TAB1: variants seen among roughly 807,000 people sequenced by gnomAD.
The protein encoded by TAB1 is TGF-beta-activated kinase 1 and MAP3K7-binding protein 1.
TAB1 carries 30 observed loss-of-function variants against 54.5 expected under a neutral mutation model. The observed-to-expected ratio is 0.55, with a 90% CI of 0.41 to 0.75. TAB1 has a LOEUF of 0.75. Ranked by LOEUF, TAB1 falls within the 30% of genes least tolerant of loss-of-function variation. TAB1 has a pLI of 0.00. For missense variants in TAB1, 609 were observed against 683.2 expected (o/e 0.89, Z 1.21); for synonymous variants, 289 against 286.9 (o/e 1.01, Z -0.07).
downstream of TAB1, chr22:39,433,609 C>T (rs916893939): frequency 1.2e-5 from 12 of 985,416 alleles, no homozygotes; most frequent in East Asian, 1.1e-4. Flanking sequence ...GGAGTTGTAC[C>T]GTCCTGGTCT....
chr22:39,417,843 A>G lies in TAB1; in HGVS notation c.544A>G (p.Asn182Asp). 2 of 1,605,888 alleles carry G rather than the reference A, an allele frequency of 1.2e-6. No homozygotes were observed. The highest frequency in any genetic ancestry group is 1.7e-6 in the Non-Finnish European group (2 of 1,175,970). The stretch of plus-strand genomic sequence containing the variant: ...TCTCAACAACAAGCTCTACGTCGCC[A>G]ATGTCGGTGAGCCCCCTCCTGTCCC... ...VLLNNKLYVA[N>D]VGTNRALLCK... The change falls in exon 5 of 11, where the codon AAT becomes GAT. Residue 182 changes from asparagine (N) to aspartate (D), a missense_variant. Transcript: ENST00000216160.
At position 39,415,778 on chromosome 22, in the gene TAB1, A is replaced by G. The variant is rs1926807202; in HGVS notation, c.324+125A>G. The G allele has an allele frequency of 5.4e-6, 7 of 1,292,898 alleles. No individual in the cohort carries two copies. In the South Asian group the frequency reaches 1.0e-4, roughly 19 times the overall value. 80.1% of individuals were successfully genotyped at this position (1,292,898 alleles called of 1,614,324 possible). The stretch of plus-strand genomic sequence containing the variant: ...ATCCTGCCGGCCCCTTCACCCCAGT[A>G]GAGGAGCAGCTCCCAGCGTAGGCCC... On this transcript the variant is annotated intron_variant, in intron 3 of 10. Coordinates refer to ENST00000216160, the MANE Select transcript of TAB1 (RefSeq NM_006116.3). The surrounding 1 kb of genome is among the most constrained non-coding windows in gnomAD (Gnocchi z 4.9).
In TAB1 at chr22:39,430,372, A is replaced by T; in HGVS notation, c.*150A>T. On this transcript the variant is annotated 3_prime_UTR_variant, in exon 11 of 11. Transcript: ENST00000216160. The stretch of plus-strand genomic sequence containing the variant: ...TGTCCCATGGCTCTCCGGGCAGTAG[A>T]GTGTGTGAGTGCAGACTGGACCTGT... The T allele has an allele frequency of 6.8e-7, 1 of 1,474,400 alleles. No individual in the cohort carries two copies. The allele number at this position is 1,474,400 out of a possible 1,614,324, so 91.3% of individuals were successfully genotyped here. A position where few individuals can be genotyped will look rare whatever the true frequency, so the allele number is the denominator to read the frequency against.
At chr22:39,433,257 C>G (rs988695971), downstream of TAB1, 6 of 905,240 alleles carry the variant, frequency 6.6e-6, no homozygotes, top group African/African-American at 1.1e-4. Flanking sequence ...CGAGACCATC[C>G]TGGCTAACAC....
In TAB1 at chr22:39,430,490, C is replaced by G; in HGVS notation, c.*268C>G. Reference sequence around the variant, plus strand: ...ATCGCCCTTTCTCAGAGCAGAGGGCCAGGTATAGAAACCGCAGTGGGCCTG... The same window carrying G: ...ATCGCCCTTTCTCAGAGCAGAGGGCGAGGTATAGAAACCGCAGTGGGCCTG... On this transcript the variant is annotated 3_prime_UTR_variant, in exon 11 of 11. Transcript: ENST00000216160. 1 of 1,356,374 alleles carries G rather than the reference C, an allele frequency of 7.4e-7. No individual in the cohort carries two copies. Among genetic ancestry groups the G allele is most frequent in the East Asian group, 3.0e-5 (1 of 33,546 alleles). 84.0% of individuals were successfully genotyped at this position (1,356,374 alleles called of 1,614,324 possible).
chr22:39,409,662 T>G (rs1878214022), intron 1 of TAB1, among the ~76,000 whole-genome samples: 1 of 152,192 alleles, frequency 6.6e-6, no homozygotes, highest in Non-Finnish European at 1.5e-5. Context: ...TGCCCCATAG[T>G]CATTCAGGTC....
Position 39,418,749 on chromosome 22 carries a change from T to C in TAB1, c.568T>C (p.Leu190=), listed in dbSNP as rs904841322. 1 of 1,614,062 alleles carries C rather than the reference T, an allele frequency of 6.2e-7. No individual in the cohort carries two copies. Among genetic ancestry groups the C allele is most frequent in the Non-Finnish European group, 8.5e-7 (1 of 1,179,902 alleles). Residue 190 remains leucine, a synonymous_variant, in exon 6 of 11, where the codon TTA becomes CTA. Coordinates refer to ENST00000216160, the MANE Select transcript of TAB1 (RefSeq NM_006116.3). ...TGCCACAGGTACAAACCGTGCACTT[T>C]TATGCAAATCGACAGTGGATGGGTT... ...VANVGTNRAL[L]CKSTVDGLQV...
intron 6 of TAB1, 110 bp from the exon 7 acceptor site, chr22:39,419,409 C>T (rs1926975041): frequency 1.2e-6 from 1 of 866,444 alleles, no homozygotes; most frequent in Non-Finnish European, 1.8e-6. Flanking sequence ...TCTTCATTTC[C>T]TATTCAGTGG....
Position 39,431,479 on chromosome 22 carries a change from C to G in TAB1, c.*1257C>G, listed in dbSNP as rs772177748. The G allele has an allele frequency of 2.6e-5, 26 of 985,740 alleles. No individual in the cohort carries two copies. The highest frequency in any genetic ancestry group is 3.1e-5 in the Non-Finnish European group (26 of 830,216). The allele number at this position is 985,740 out of a possible 1,614,324, so 61.1% of individuals were successfully genotyped here. ...TCCCCATCTCCCAGTCTCCCTGCCC[C>G]CCATGCCCCAGACCGGCCCACCAGG... On this transcript the variant is annotated 3_prime_UTR_variant, in exon 11 of 11. Coordinates refer to ENST00000216160, the MANE Select transcript of TAB1 (RefSeq NM_006116.3).
chr22:39,423,798 C>T (rs2145677748), intron 8 of TAB1, among the ~76,000 whole-genome samples: 1 of 151,862 alleles, frequency 6.6e-6, no homozygotes, highest in East Asian at 1.9e-4. Context: ...TTATAGTGTA[C>T]ATTGTAACTA....
chr22:39,417,993 C>A, intron 5 of TAB1, 144 bp downstream of exon 5: 1 of 1,056,870 alleles, frequency 9.5e-7, no homozygotes, highest in Non-Finnish European at 1.3e-6. Context: ...TGTCCCTCTC[C>A]ACAGTGACGC....
Position 39,430,006 on chromosome 22 carries a change from G to T in TAB1, c.1308-9G>T, listed in dbSNP as rs550164284. On this transcript the variant is annotated splice_polypyrimidine_tract_variant and intron_variant, in intron 10 of 10. Coordinates refer to ENST00000216160, the MANE Select transcript of TAB1 (RefSeq NM_006116.3). The stretch of plus-strand genomic sequence containing the variant: ...CTTCTGATTGACTCCCTCCCCTGTT[G>T]TCCTGCAGCCAAAGCCCGACCTTAA... 11 of 1,612,420 alleles carry T rather than the reference G, an allele frequency of 6.8e-6. No individual in the cohort carries two copies. In the South Asian group the frequency reaches 1.2e-4, roughly 18 times the overall value.
intron 8 of TAB1, among the ~76,000 whole-genome samples, chr22:39,426,426 G>A (rs945774052): frequency 5.3e-5 from 8 of 151,058 alleles, no homozygotes; most frequent in South Asian, 2.1e-4. Context: ...GTTAATACTC[G>A]TATTCACCCA....
At chr22:39,431,955 T>C, downstream of TAB1, 1 of 875,010 alleles carries the variant, frequency 1.1e-6, no homozygotes, top group Non-Finnish European at 1.4e-6. Flanking sequence ...TTCACTGCCC[T>C]GGAGGTTCAA....
chr22:39,405,764 A>G (rs868846091), intron 1 of TAB1, among the ~76,000 whole-genome samples: 7 of 152,182 alleles, frequency 4.6e-5, no homozygotes, highest in Admixed American at 1.3e-4. Context: ...CTAATCCTCG[A>G]TGGAGATGGA....
chr22:39,428,986 G>A (rs1461817211), intron 10 of TAB1: 1 of 866,992 alleles, frequency 1.2e-6, no homozygotes, highest in Non-Finnish European at 1.4e-6. Flanking sequence ...GAGTGCAGTA[G>A]GGGTGGCCTC....
chr22:39,428,222 A>AC, intron 10 of TAB1, 39 bp downstream of exon 10: 2 of 1,417,908 alleles, frequency 1.4e-6, no homozygotes, highest in Middle Eastern at 2.3e-4. Context: ...CAGCCCTGTC[A>AC]CCCCCGTGTG....
chr22:39,405,624 G>A (rs1926328857), intron 1 of TAB1, among the ~76,000 whole-genome samples: 3 of 152,218 alleles, frequency 2.0e-5, no homozygotes, highest in Admixed American at 2.0e-4. Context: ...AGGGGTGGAG[G>A]GGTGGGTGGT....
intron 1 of TAB1, among the ~76,000 whole-genome samples, chr22:39,403,325 A>G (rs941603516): frequency 2.6e-5 from 4 of 152,234 alleles, no homozygotes; most frequent in African/African-American, 7.2e-5. Context: ...GCCATTTTGG[A>G]CAGGGTGGTA....
Sources: allele counts gnomAD v4.1 joint callset (sites outside exome capture counted in the v4.1 genomes callset), GRCh38; gene constraint gnomAD v4.1.1; non-coding constraint Gnocchi (gnomAD v3.1); transcripts MANE v1.5; gene names NCBI Gene and HGNC (gene_info 2026-07-23, HGNC 2026-07-21).